Variants in HYDIN observed in about 807,000 individuals in gnomAD.
HYDIN encodes HYDIN axonemal central pair apparatus protein.
Under a neutral mutation model 403.9 loss-of-function variants are expected in HYDIN, and 132 were observed. The observed-to-expected ratio is 0.33, with a 90% CI of 0.28 to 0.38. The LOEUF is 0.38. Among genes scored for constraint, HYDIN ranks in the 10% least tolerant of loss-of-function variants. HYDIN has a pLI of 1.00. For synonymous variants in HYDIN, 1,202 were observed against 1,891.7 expected (o/e 0.64, Z 9.46); for missense variants, 2,827 against 5,009.5 (o/e 0.56, Z 13.15).
intron 53 of HYDIN, among the ~76,000 whole-genome samples, chr16:70,899,167 T>C (rs1397323488): frequency 1.3e-5 from 2 of 152,214 alleles, no homozygotes; most frequent in Non-Finnish European, 2.9e-5. Context: ...GGGAATATGA[T>C]GGTATGGGGA....
chr16:70,852,982 T>C (rs1246064663), intron 73 of HYDIN, among the ~76,000 whole-genome samples: 11 of 147,514 alleles, frequency 7.5e-5, no homozygotes, highest in Admixed American at 6.9e-5. Flanking sequence ...GAGACCAGCC[T>C]GGCCAACATG....
At chr16:70,820,182 T>TTTTTC (rs1321978916) in intron 83 of HYDIN, among the ~76,000 whole-genome samples, 1 of 142,500 alleles carries the variant, frequency 7.0e-6, no homozygotes. Context: ...TTTTTTTTCT[T>TTTTTC]TTTTCTTTTT....
chr16:71,050,083 A>G (rs2081588165), intron 18 of HYDIN, among the ~76,000 whole-genome samples: 1 of 147,392 alleles, frequency 6.8e-6, no homozygotes, highest in African/African-American at 2.5e-5. Flanking sequence ...AGGTAACAGA[A>G]AGAATGTCAG....
intron 36 of HYDIN, among the ~76,000 whole-genome samples, chr16:70,969,505 C>T (rs2078676928): frequency 6.6e-6 from 1 of 151,426 alleles, no homozygotes; most frequent in African/African-American, 2.4e-5. Flanking sequence ...AAAGAACTGT[C>T]AGCTCAGAAT....
chr16:70,944,113 G>A (rs1404713719), intron 41 of HYDIN, among the ~76,000 whole-genome samples, 164 bp from the exon 42 acceptor site: 2 of 152,238 alleles, frequency 1.3e-5, no homozygotes, highest in African/African-American at 4.8e-5. Context: ...CTTCCTTAAA[G>A]AACCACTGTA....
Position 71,069,482 on chromosome 16 carries a change from A to G in HYDIN, c.1759T>C (p.Cys587Arg). ...ATCAAAGAGGTATTATTGAGGGAACATATCAAGGTATGAGGAAACCCTGGA... is the reference window on the plus strand; with the variant it reads ...ATCAAAGAGGTATTATTGAGGGAACGTATCAAGGTATGAGGAAACCCTGGA... ...VSFGFPHTLICSLNNTSLIPM... is the reference protein window; with the variant it reads ...VSFGFPHTLIRSLNNTSLIPM... Residue 587 changes from cysteine (C) to arginine (R), a missense_variant, in exon 14 of 86, where the codon TGT becomes CGT. By Grantham distance (180) the Cys-to-Arg change is radical. Coordinates refer to ENST00000393567, the MANE Select transcript of HYDIN (RefSeq NM_001270974.2). 6.2e-7 allele frequency: 1 copy of G among 1,613,608 alleles called. No homozygotes were observed. Among genetic ancestry groups the G allele is most frequent in the Non-Finnish European group, 8.5e-7 (1 of 1,179,702 alleles).
At chr16:71,223,103 A>C (rs1335062866) in intron 1 of HYDIN, among the ~76,000 whole-genome samples, 1 of 152,222 alleles carries the variant, frequency 6.6e-6, no homozygotes, top group Non-Finnish European at 1.5e-5. Flanking sequence ...CCAAAACAGC[A>C]TGGTACTGGT....
rs547753475 is a variant in HYDIN, at chr16:70,809,187, T to C, written c.14883+596A>G. 2.9e-4 allele frequency among the ~76,000 whole-genome samples: 44 copies of C among 152,310 alleles called. No individual in the cohort carries two copies. In the South Asian group the frequency reaches 4.6e-3, roughly 16 times the overall value. On this transcript the variant is annotated intron_variant, in intron 85 of 85. Transcript: ENST00000393567. ...ACCTGAGCCTCCCAAAGTGCTAGGA[T>C]TGCAGATGTGAACCACTGTGTCTAG...
intron 15 of HYDIN, 111 bp from the exon 16 acceptor site, chr16:71,064,951 T>C: frequency 9.7e-7 from 1 of 1,033,716 alleles, no homozygotes; most frequent in African/African-American, 1.6e-5. Context: ...AGTTTTTCTC[T>C]AATAACCACA....
chr16:70,822,056 AT>A (rs1567656964), intron 83 of HYDIN, among the ~76,000 whole-genome samples: 1 of 152,190 alleles, frequency 6.6e-6, no homozygotes, highest in East Asian at 1.9e-4. Flanking sequence ...TGAAGGAGTC[AT>A]TTTGACTTTC....
intron 1 of HYDIN, among the ~76,000 whole-genome samples, chr16:71,214,734 T>A (rs1043589073): frequency 6.6e-6 from 1 of 152,216 alleles, no homozygotes; most frequent in African/African-American, 2.4e-5. Flanking sequence ...TTGAGGTACA[T>A]CCTATAAGGC....
At chr16:70,928,026 T>C (rs995779833) in intron 45 of HYDIN, among the ~76,000 whole-genome samples, 1 of 150,734 alleles carries the variant, frequency 6.6e-6, no homozygotes, top group African/African-American at 2.4e-5. Context: ...ACACAAGAGA[T>C]GTAGAAAGCA....
chr16:70,970,930 T>A (rs1266778857), intron 35 of HYDIN, among the ~76,000 whole-genome samples, 171 bp from the exon 36 acceptor site: 1 of 152,240 alleles, frequency 6.6e-6, no homozygotes, highest in African/African-American at 2.4e-5. Context: ...GTACTGGGTA[T>A]TTAGCATGCC....
chr16:70,981,506 C>T lies in HYDIN; in HGVS notation c.4395G>A (p.Glu1465=), dbSNP rs754146654. ...GTATCTGGAAACTCCTTTTAAAGAC[C>T]TCAGGTACTCCAGGTAGGTAGTAAA... ...LKVYYLPGVP[E]VFKRSFQIQI... The change falls in exon 29 of 86, where the codon GAG becomes GAA. Residue 1465 remains glutamate (E), a synonymous_variant. Transcript: ENST00000393567. 2.6e-5 allele frequency: 42 copies of T among 1,613,628 alleles called. No individual in the cohort carries two copies. The East Asian group carries it at 8.7e-4, about 33-fold the overall frequency.
intron 55 of HYDIN, chr16:70,893,669 G>C (rs2041609692): frequency 6.6e-6 from 1 of 151,842 alleles, no homozygotes; most frequent in African/African-American, 2.4e-5. Flanking sequence ...CAAGTGATAT[G>C]ACCACCACGC....
At chr16:71,097,723 C>T (rs2083315220) in intron 10 of HYDIN, among the ~76,000 whole-genome samples, 1 of 147,982 alleles carries the variant, frequency 6.8e-6, no homozygotes, top group African/African-American at 2.6e-5. Context: ...CAATGGTTTT[C>T]CTTAAATGTA....
chr16:70,919,501 T>C (rs941911983), intron 46 of HYDIN, among the ~76,000 whole-genome samples: 5 of 152,050 alleles, frequency 3.3e-5, no homozygotes, highest in African/African-American at 4.8e-5. Context: ...GTCACATGGA[T>C]TGCAGGGATG....
intron 73 of HYDIN, among the ~76,000 whole-genome samples, chr16:70,851,417 A>G (rs1276514600): frequency 6.6e-6 from 1 of 151,288 alleles, no homozygotes; most frequent in Non-Finnish European, 1.5e-5. Context: ...TGGGCAAAAG[A>G]CATGAATAGA....
chr16:70,822,545 C>A (rs541327445), intron 83 of HYDIN, among the ~76,000 whole-genome samples: 3 of 152,212 alleles, frequency 2.0e-5, no homozygotes, highest in Admixed American at 6.5e-5. Flanking sequence ...GGACTGACTC[C>A]GATTTTGAAA....
Sources: allele counts gnomAD v4.1 joint callset (sites outside exome capture counted in the v4.1 genomes callset), GRCh38; gene constraint gnomAD v4.1.1; transcripts MANE v1.5; gene names NCBI Gene and HGNC (gene_info 2026-07-23, HGNC 2026-07-21).